GREB1L: variants seen among roughly 807,000 people sequenced by gnomAD.
GREB1L encodes the protein GREB1 like retinoic acid receptor coactivator.
In GREB1L, 17 loss-of-function variants were observed where a neutral mutation model predicts 200.8. That is an observed-to-expected ratio of 0.08 (90% confidence interval 0.06 to 0.13). The LOEUF (loss-of-function observed/expected upper bound fraction) is 0.13. Among genes scored for constraint, GREB1L ranks in the 10% least tolerant of loss-of-function variants. The probability of loss-of-function intolerance (pLI) is 1.00; values close to 1 mark genes in which losing one functional copy is unlikely to be tolerated. For synonymous variants in GREB1L, 789 were observed against 893.0 expected (o/e 0.88, Z 2.08); for missense variants, 1,657 against 2,367.7 (o/e 0.70, Z 6.23).
chr18:21,384,812 CAG>C (rs2144088608), intron 4 of GREB1L, among the ~76,000 whole-genome samples: 1 of 133,530 alleles, frequency 7.5e-6, no homozygotes, highest in South Asian at 2.7e-4. Context: ...TGCAAACAAT[CAG>C]AGAGATATTA....
intron 1 of GREB1L, among the ~76,000 whole-genome samples, chr18:21,278,883 T>G (rs2038220161): frequency 6.6e-6 from 1 of 152,218 alleles, no homozygotes; most frequent in South Asian, 2.1e-4. Flanking sequence ...TTGAAACTAA[T>G]TAACATTAGA....
intron 5 of GREB1L, among the ~76,000 whole-genome samples, 158 bp downstream of exon 5, chr18:21,395,719 C>CTT (rs939042799): frequency 6.9e-6 from 1 of 145,010 alleles, no homozygotes. Flanking sequence ...TTAGTAACTT[C>CTT]TTTTTTTTTT....
At chr18:21,453,740 A>T (rs759884941) in intron 14 of GREB1L, among the ~76,000 whole-genome samples, 7 of 152,202 alleles carry the variant, frequency 4.6e-5, no homozygotes, top group Admixed American at 1.3e-4. Context: ...ACAACCACCT[A>T]GACCTGCTAG....
intron 1 of GREB1L, among the ~76,000 whole-genome samples, chr18:21,350,994 G>A (rs151302313): frequency 0.015 from 2,254 of 152,198 alleles, 28 homozygotes; most frequent in Non-Finnish European, 0.024. Context: ...GGTGGTGGGG[G>A]AGTTTGAGTT....
intron 17 of GREB1L, among the ~76,000 whole-genome samples, chr18:21,483,665 C>A (rs185582926): frequency 1.3e-5 from 2 of 152,148 alleles, no homozygotes; most frequent in East Asian, 3.9e-4. Context: ...AGTTGTTTCT[C>A]TTTAGATGGT....
chr18:21,359,808 G>GT (rs1567950877), intron 1 of GREB1L, among the ~76,000 whole-genome samples: 2 of 152,102 alleles, frequency 1.3e-5, no homozygotes, highest in African/African-American at 4.8e-5. Context: ...GCTTCTTTTT[G>GT]TTATGGTTGT....
At chr18:21,383,708 CT>C (rs756524593) in intron 3 of GREB1L, 33 bp downstream of exon 3, 238 of 1,523,012 alleles carry the variant, frequency 1.6e-4, no homozygotes, top group Admixed American at 3.9e-4. Flanking sequence ...TTTCTGGATT[CT>C]TTTTTTTTGT....
intron 1 of GREB1L, among the ~76,000 whole-genome samples, chr18:21,252,954 A>C (rs1404911865): frequency 6.6e-6 from 1 of 152,152 alleles, no homozygotes; most frequent in Non-Finnish European, 1.5e-5. Context: ...ATTGACTTTT[A>C]TTTTATTTCA....
chr18:21,395,444 A>G lies in GREB1L; in HGVS notation c.415A>G (p.Ile139Val). Residue 139 changes from isoleucine (I) to valine (V), a missense_variant, in exon 5 of 33, where the codon ATC becomes GTC. This residue lies in a region of GREB1L where 70 missense variants were observed against 151.3 expected (regional missense o/e 0.46). Coordinates refer to ENST00000424526, the MANE Select transcript of GREB1L (RefSeq NM_001142966.3). ...LVSLCMEQID[I>V]PAGFLLVGAK... The stretch of plus-strand genomic sequence containing the variant: ...ATCACTGTGTATGGAACAAATTGAC[A>G]TCCCAGCAGGATTCCTCCTGGTGGG... The G allele has an allele frequency of 1.9e-6, 3 of 1,551,146 alleles. No homozygotes were observed. The highest frequency in any genetic ancestry group is 2.6e-6 in the Non-Finnish European group (3 of 1,146,608).
chr18:21,492,747 C>T (rs2036391233), intron 19 of GREB1L, among the ~76,000 whole-genome samples: 1 of 152,160 alleles, frequency 6.6e-6, no homozygotes, highest in South Asian at 2.1e-4. Context: ...TGACATCTTC[C>T]TCAATTGGTA....
chr18:21,324,679 A>G (rs2038996711), intron 1 of GREB1L, among the ~76,000 whole-genome samples: 1 of 152,232 alleles, frequency 6.6e-6, no homozygotes, highest in South Asian at 2.1e-4. Flanking sequence ...GCATGGCGGC[A>G]TGTGCCTGTA....
rs1416998606 is a variant in GREB1L at position 21,525,451 on chromosome 18, A to ATGTT, written c.*2635_*2638dup. On this transcript the variant is annotated 3_prime_UTR_variant, in exon 33 of 33. Coordinates refer to ENST00000424526, the MANE Select transcript of GREB1L (RefSeq NM_001142966.3). ...TATTTTTTCTTTATAGTTTTCTGGC[A>ATGTT]TGTTTGTTAAGAAAACAAGCTCCCT... is the stretch of plus-strand genomic sequence containing the variant. 6.6e-5 allele frequency: 10 copies of ATGTT among 151,938 alleles called. No homozygotes were observed. The highest frequency in any genetic ancestry group is 1.5e-4 in the African/African-American group (6 of 41,360). 9.4% of individuals were successfully genotyped at this position (151,938 alleles called of 1,614,324 possible).
chr18:21,524,174 T>G lies in GREB1L; in HGVS notation c.*1353T>G, dbSNP rs919945974. The G allele has an allele frequency of 6.6e-6, 1 of 152,218 alleles. No individual in the cohort carries two copies. The highest frequency in any genetic ancestry group is 1.5e-5 in the Non-Finnish European group (1 of 68,034). 9.4% of individuals were successfully genotyped at this position (152,218 alleles called of 1,614,324 possible). On this transcript the variant is annotated 3_prime_UTR_variant, in exon 33 of 33. Transcript: ENST00000424526. ...GCCATTTTTACTTGAATCAATCTTG[T>G]TTGTGACCTGAAACTACTGAGGGGC...
rs1003293757 is a variant in GREB1L at position 21,523,895 on chromosome 18, A to G, written c.*1074A>G. On this transcript the variant is annotated 3_prime_UTR_variant, in exon 33 of 33. Coordinates refer to ENST00000424526, the MANE Select transcript of GREB1L (RefSeq NM_001142966.3). Reference sequence around the variant, plus strand: ...TTACCAGTGACTCTTGTGAGGAGTAAGGAAGACTCCATTAAGAGTCTTTTT... The same window carrying G: ...TTACCAGTGACTCTTGTGAGGAGTAGGGAAGACTCCATTAAGAGTCTTTTT... The G allele has an allele frequency of 1.3e-5, 2 of 152,256 alleles. No homozygotes were observed. The highest frequency in any genetic ancestry group is 2.9e-5 in the Non-Finnish European group (2 of 68,048). The allele number at this position is 152,256 out of a possible 1,614,324, so 9.4% of individuals were successfully genotyped here. A position where few individuals can be genotyped will look rare whatever the true frequency, so the allele number is the denominator to read the frequency against.
At chr18:21,444,967 A>G (rs960362658) in intron 11 of GREB1L, among the ~76,000 whole-genome samples, 3 of 152,110 alleles carry the variant, frequency 2.0e-5, no homozygotes, top group African/African-American at 4.8e-5. Flanking sequence ...TCTTTAAGCT[A>G]TAGGGTAAGG....
At chr18:21,382,578 G>A (rs1167964097) in intron 2 of GREB1L, among the ~76,000 whole-genome samples, 4 of 147,984 alleles carry the variant, frequency 2.7e-5, no homozygotes, top group African/African-American at 5.0e-5. Context: ...TGCAACCTCC[G>A]CCTCCCGGAT....
At chr18:21,516,908 C>T (rs552928595) in intron 30 of GREB1L, among the ~76,000 whole-genome samples, 154 bp downstream of exon 30, 18 of 134,896 alleles carry the variant, frequency 1.3e-4, no homozygotes, top group African/African-American at 3.5e-4. Flanking sequence ...GACAGTCTGT[C>T]CCCTAGGCTG....
At chr18:21,389,869 G>T (rs2040722181) in intron 4 of GREB1L, among the ~76,000 whole-genome samples, 2 of 152,006 alleles carry the variant, frequency 1.3e-5, no homozygotes, top group South Asian at 2.1e-4. Context: ...ATCAAATGAT[G>T]CTCAGAAATC....
intron 1 of GREB1L, among the ~76,000 whole-genome samples, chr18:21,269,553 C>T (rs1437854158): frequency 6.6e-6 from 1 of 151,830 alleles, no homozygotes; most frequent in African/African-American, 2.4e-5. Context: ...GTGCTTTCTG[C>T]CAGTAGGAAT....
Sources: gnomAD v4.1 joint callset for allele counts (sites outside exome capture counted in the v4.1 genomes callset) on GRCh38, gnomAD v4.1.1 for gene constraint, gnomAD v4.1.1 regional missense constraint, MANE v1.5 for transcripts, NCBI Gene and HGNC (gene_info 2026-07-23, HGNC 2026-07-21) for gene names.